Variants in PPP6R2 observed in about 807,000 individuals in gnomAD.
PPP6R2 encodes serine/threonine-protein phosphatase 6 regulatory subunit 2.
A neutral mutation model predicts 100.2 loss-of-function variants in PPP6R2; 62 were observed. That is an observed-to-expected ratio of 0.62 (90% confidence interval 0.50 to 0.76). The LOEUF (loss-of-function observed/expected upper bound fraction) is 0.76, where lower values mean the gene tolerates loss of function less well. Ranked by LOEUF, PPP6R2 falls within the 30% of genes least tolerant of loss-of-function variation. PPP6R2 has a pLI of 0.00. For synonymous variants in PPP6R2, 525 were observed against 514.7 expected (o/e 1.02, Z -0.27); for missense variants, 1,142 against 1,276.3 (o/e 0.89, Z 1.60).
chr22:50,351,497 A>G (rs989515954), intron 1 of PPP6R2, among the ~76,000 whole-genome samples: 1 of 151,428 alleles, frequency 6.6e-6, no homozygotes, highest in African/African-American at 2.4e-5. Flanking sequence ...CCTAGATGGC[A>G]CCTTCTTCCA....
At chr22:50,338,899 GTGGTGTGTGTGGTAGTGTGTGTGGTA>G (rs1569218536), upstream of PPP6R2, among the ~76,000 whole-genome samples, 3 of 107,632 alleles carry the variant, frequency 2.8e-5, no homozygotes, top group Non-Finnish European at 5.6e-5. Context: ...TGGGGTATGT[GTGGTGTGTGTGGTAGTGTGTGTGGTA>G]TGTGGTGTGT....
chr22:50,415,880 G>GGT lies in PPP6R2; in HGVS notation c.553-210_553-209dup, dbSNP rs543443081. ...ATACGCACCATTAGGACAGAGGGAT[G>GGT]GTGGTCATCCTTTATCATCTTTTGA... On this transcript the variant is annotated intron_variant, in intron 5 of 23. Transcript: ENST00000612753. 1.5e-3 allele frequency among the ~76,000 whole-genome samples: 234 copies of GGT among 152,352 alleles called. 1 individual carries two copies. Among genetic ancestry groups the GGT allele is most frequent in the African/African-American group, 5.4e-3 (224 of 41,582 alleles).
At chr22:50,401,925 C>T (rs563783552) in intron 3 of PPP6R2, among the ~76,000 whole-genome samples, 4 of 152,218 alleles carry the variant, frequency 2.6e-5, no homozygotes, top group Non-Finnish European at 4.4e-5. Context: ...TGAGCCACCA[C>T]GCCTGGCCCA....
chr22:50,430,471 T>C (rs1456726643), intron 10 of PPP6R2, among the ~76,000 whole-genome samples: 1 of 152,202 alleles, frequency 6.6e-6, no homozygotes, highest in African/African-American at 2.4e-5. Flanking sequence ...AAAATACTAC[T>C]TAGCAAAATG....
intron 2 of PPP6R2, among the ~76,000 whole-genome samples, chr22:50,384,694 A>G (rs1312588798): frequency 6.6e-6 from 1 of 151,850 alleles, no homozygotes; most frequent in African/African-American, 2.4e-5. Flanking sequence ...ATCACGTGGC[A>G]AGGGAGCTGA....
chr22:50,412,868 C>T (rs1388254707), intron 4 of PPP6R2, among the ~76,000 whole-genome samples: 1 of 151,344 alleles, frequency 6.6e-6, no homozygotes, highest in Non-Finnish European at 1.5e-5. Context: ...TGGTCTTGAT[C>T]TCCTGACCTC....
rs2063093509 is a variant in PPP6R2, at chr22:50,431,265, G to A, written c.1218G>A (p.Glu406=). 1 of 1,613,710 alleles carries A rather than the reference G, an allele frequency of 6.2e-7. No individual in the cohort carries two copies. Among genetic ancestry groups the A allele is most frequent in the Non-Finnish European group, 8.5e-7 (1 of 1,180,038 alleles). Residue 406 remains glutamate (E), a synonymous_variant, in exon 11 of 24, where the codon GAG becomes GAA. Transcript: ENST00000612753. This position sits in a 1 kb window ranked among gnomAD's most constrained non-coding sequence, Gnocchi z 4.8. ...TTCTCTCCCACGCTGCCCGTGAGGA[G>A]AGGACAGAAGCCAGCGGATCCGAGA... ...AAILSHAARE[E]RTEASGSESR...
chr22:50,440,608 T>C (rs969180812), intron 21 of PPP6R2, among the ~76,000 whole-genome samples: 12 of 152,154 alleles, frequency 7.9e-5, no homozygotes, highest in Admixed American at 1.3e-4. Flanking sequence ...TGTGTCCCTG[T>C]ATCATGGGGG....
chr22:50,414,331 G>GCCCCCCCCCCCCCCCCCCCCCCCCC (rs57634612), intron 4 of PPP6R2, among the ~76,000 whole-genome samples: 12 of 26,776 alleles, frequency 4.5e-4, no homozygotes, highest in Non-Finnish European at 5.5e-4. Context: ...CTGTGCAGTG[G>GCCCCCCCCCCCCCCCCCCCCCCCCC]CCCCCCCCCC....
chr22:50,443,778 C>A, intron 22 of PPP6R2, 88 bp from the exon 23 acceptor site: 1 of 1,475,054 alleles, frequency 6.8e-7, no homozygotes, highest in Non-Finnish European at 9.1e-7. Context: ...GCCGCCTGGA[C>A]CTTTTTGTCC....
At chr22:50,373,925 G>A (rs1340492655) in intron 2 of PPP6R2, among the ~76,000 whole-genome samples, 1 of 151,974 alleles carries the variant, frequency 6.6e-6, no homozygotes, top group Non-Finnish European at 1.5e-5. Flanking sequence ...GTAGTGACGG[G>A]GTTTCACCAC....
Position 50,441,038 on chromosome 22 carries a change from G to T in PPP6R2, c.2579+12G>T, listed in dbSNP as rs776180886. 5.8e-6 allele frequency: 9 copies of T among 1,550,942 alleles called. No individual in the cohort carries two copies. The African/African-American group carries it at 9.5e-5, about 16-fold the overall frequency. On this transcript the variant is annotated intron_variant, in intron 22 of 23. Transcript: ENST00000612753. ...GAGGCTGTCGGCAGGTGTGTGGGGC[G>T]TGGCGGGGGCGGGCCTGCCGGGTGC...
chr22:50,362,511 C>T (rs76619176), intron 1 of PPP6R2, among the ~76,000 whole-genome samples: 1 of 152,272 alleles, frequency 6.6e-6, no homozygotes, highest in Non-Finnish European at 1.5e-5. Context: ...TTGCAGAGCA[C>T]GTGCTCTGCA....
At chr22:50,421,660 C>T (rs2061354903) in intron 8 of PPP6R2, among the ~76,000 whole-genome samples, 1 of 152,102 alleles carries the variant, frequency 6.6e-6, no homozygotes, top group South Asian at 2.1e-4. Flanking sequence ...CTTGTAATCC[C>T]AGCACTTTGG....
intron 13 of PPP6R2, among the ~76,000 whole-genome samples, chr22:50,435,910 G>GGACTC (rs2064132683): frequency 6.6e-6 from 1 of 152,194 alleles, no homozygotes; most frequent in Admixed American, 6.5e-5. Context: ...AATCCTTCCA[G>GGACTC]GACTCTGACC....
chr22:50,422,154 T>C (rs12163230), intron 8 of PPP6R2, 100 bp from the exon 9 acceptor site: 166,915 of 1,484,330 alleles, frequency 0.11, 12,251 homozygotes, highest in East Asian at 0.38. Flanking sequence ...TTGGGAAAGT[T>C]AAAAGGGCTC....
chr22:50,439,635 G>A, intron 19 of PPP6R2, 66 bp from the exon 20 acceptor site: 1 of 1,452,938 alleles, frequency 6.9e-7, no homozygotes, highest in Non-Finnish European at 9.1e-7. Flanking sequence ...CAGGGGCGCT[G>A]CCTCCCCTTT....
rs1195469509 is a variant in PPP6R2 at position 50,351,026 on chromosome 22, G to GTTT, written c.-148+7505_-148+7507dup. On this transcript the variant is annotated intron_variant, in intron 1 of 23. Coordinates refer to ENST00000612753, the MANE Select transcript of PPP6R2 (RefSeq NM_001242898.2). ...TTTCTGAGCAGTAGGTCTCAACAGT[G>GTTT]TTTTTTTTTTTTTTTTTTTTTTTTT... is the stretch of plus-strand genomic sequence containing the variant. Among the ~76,000 whole-genome samples the GTTT allele has an allele frequency of 2.0e-3, 158 of 80,698 alleles. 3 individuals carry two copies. The highest frequency in any genetic ancestry group is 3.2e-3 in the East Asian group (7 of 2,168). The allele number at this position is 80,698 out of a possible 152,430, so 52.9% of individuals were successfully genotyped here. A position where few individuals can be genotyped will look rare whatever the true frequency, so the allele number is the denominator to read the frequency against.
At chr22:50,374,238 G>A (rs1189591635) in intron 2 of PPP6R2, among the ~76,000 whole-genome samples, 1 of 152,072 alleles carries the variant, frequency 6.6e-6, no homozygotes, top group African/African-American at 2.4e-5. Context: ...GACCCAGCTG[G>A]GCGGATGGAT....
Sources: allele counts gnomAD v4.1 joint callset (sites outside exome capture counted in the v4.1 genomes callset), GRCh38; gene constraint gnomAD v4.1.1; non-coding constraint Gnocchi (gnomAD v3.1); transcripts MANE v1.5; gene names NCBI Gene and HGNC (gene_info 2026-07-23, HGNC 2026-07-21).